The following PDE1A variants were observed in gnomAD, a reference collection of about 807,000 sequenced individuals.
The protein encoded by PDE1A is phosphodiesterase 1A.
PDE1A carries 35 observed loss-of-function variants against 61.7 expected under a neutral mutation model. That is an observed-to-expected ratio of 0.57 (90% CI 0.43 to 0.75). PDE1A has a LOEUF of 0.75. Ranked by LOEUF, PDE1A falls within the 30% of genes least tolerant of loss-of-function variation. The probability of loss-of-function intolerance (pLI) is 0.00; values close to 1 mark genes in which losing one functional copy is unlikely to be tolerated. For synonymous variants in PDE1A, 232 were observed against 213.2 expected, an observed-to-expected ratio of 1.09 and a Z score of -0.77; for missense variants, 597 against 630.6, an observed-to-expected ratio of 0.95 and a Z score of 0.57.
rs550640941 is a variant in PDE1A at position 182,298,241 on chromosome 2, T to C, written c.54-33827A>G. Among the ~76,000 whole-genome samples, 6 of 152,258 alleles carry C rather than the reference T, an allele frequency of 3.9e-5. No homozygotes were observed. In the East Asian group the frequency reaches 1.2e-3, roughly 29 times the overall value. On this transcript the variant is annotated intron_variant, in intron 1 of 13. Coordinates refer to ENST00000351439, the Ensembl canonical transcript of PDE1A. Reference sequence around the variant, plus strand: ...ATGGTAATTATAGGACCTATGAAATTGGGCGGCTGTTGATAAGTGCCATTG... The same window carrying C: ...ATGGTAATTATAGGACCTATGAAATCGGGCGGCTGTTGATAAGTGCCATTG...
Position 182,403,598 on chromosome 2 carries a change from CA to C in PDE1A, c.53+22979del, listed in dbSNP as rs548993514. On this transcript the variant is annotated intron_variant, in intron 1 of 13. Transcript: ENST00000351439. ...TGGGCGACAGAGCCAGACTCCGTCT[CA>C]AAAAAAAAAAAAAAAGAAAATGTGG... is the stretch of plus-strand genomic sequence containing the variant. Among the ~76,000 whole-genome samples, 401 of 77,614 alleles carry C rather than the reference CA, an allele frequency of 5.2e-3. 2 individuals carry two copies. Among genetic ancestry groups the C allele is most frequent in the African/African-American group, 0.012 (188 of 16,238 alleles). The allele number at this position is 77,614 out of a possible 152,430, so 50.9% of individuals were successfully genotyped here. A position where few individuals can be genotyped will look rare whatever the true frequency, so the allele number is the denominator to read the frequency against.
chr2:182,517,821 C>G (rs757728149), intron 2 of PDE1A, among the ~76,000 whole-genome samples: 20 of 152,152 alleles, frequency 1.3e-4, no homozygotes, highest in Non-Finnish European at 2.2e-4. Flanking sequence ...CTGCTGCCCA[C>G]TAAATGCAGA....
the PDE1A span, among the ~76,000 whole-genome samples, chr2:182,599,338 G>A: frequency 6.6e-6 from 1 of 152,094 alleles, no homozygotes; most frequent in East Asian, 1.9e-4. Flanking sequence ...TACCATGGTG[G>A]CCTTAGGGTA....
intron 5 of PDE1A, among the ~76,000 whole-genome samples, chr2:182,230,574 G>A (rs903646591): frequency 1.3e-5 from 2 of 152,124 alleles, no homozygotes. Flanking sequence ...AAAGTAATAA[G>A]CTACAATCTG....
intron 1 of PDE1A, among the ~76,000 whole-genome samples, chr2:182,397,665 T>C (rs976189122): frequency 1.3e-5 from 2 of 152,130 alleles, no homozygotes; most frequent in African/African-American, 4.8e-5. Context: ...TTTCAGTTTT[T>C]TTCCTATTAC....
chr2:182,283,896 C>A (rs1395329863), intron 1 of PDE1A, among the ~76,000 whole-genome samples: 1 of 152,060 alleles, frequency 6.6e-6, no homozygotes, highest in Non-Finnish European at 1.5e-5. Context: ...ATTTTAACAT[C>A]TTTTTTTACA....
At chr2:182,702,505 T>C in the PDE1A span, among the ~76,000 whole-genome samples, 1 of 152,178 alleles carries the variant, frequency 6.6e-6, no homozygotes, top group Non-Finnish European at 1.5e-5. Flanking sequence ...GGAGTGGGCA[T>C]TCTAGTGAGG....
At chr2:182,328,629 A>G (rs1697202912) in intron 1 of PDE1A, among the ~76,000 whole-genome samples, 2 of 152,134 alleles carry the variant, frequency 1.3e-5, no homozygotes, top group Non-Finnish European at 2.9e-5. Context: ...CTAGAACCTG[A>G]GATTGTGGAA....
At chr2:182,644,289 G>C in the PDE1A span, among the ~76,000 whole-genome samples, 1 of 150,350 alleles carries the variant, frequency 6.7e-6, no homozygotes, top group Non-Finnish European at 1.5e-5. Context: ...GTGTGTGTGT[G>C]TGTGTGTGTG....
At chr2:182,352,899 A>T (rs1451401540) in intron 1 of PDE1A, among the ~76,000 whole-genome samples, 26 of 152,244 alleles carry the variant, frequency 1.7e-4, no homozygotes, top group Non-Finnish European at 3.7e-4. Context: ...TCATTAAAAA[A>T]AATAAATCAA....
At chr2:182,560,238 A>G in the PDE1A span, among the ~76,000 whole-genome samples, 2 of 109,230 alleles carry the variant, frequency 1.8e-5, no homozygotes, top group Non-Finnish European at 3.5e-5. Flanking sequence ...AACAGTCACC[A>G]GAGTGTGATG....
At chr2:182,518,025 T>A (rs999959227) in intron 2 of PDE1A, among the ~76,000 whole-genome samples, 1 of 152,126 alleles carries the variant, frequency 6.6e-6, no homozygotes, top group Non-Finnish European at 1.5e-5. Context: ...ATAGGAGGCA[T>A]GTCACAGAAG....
At chr2:182,306,922 A>G (rs1401906496) in intron 1 of PDE1A, among the ~76,000 whole-genome samples, 1 of 152,178 alleles carries the variant, frequency 6.6e-6, no homozygotes, top group Non-Finnish European at 1.5e-5. Context: ...CCAAAAGCTC[A>G]TGCAACAAAA....
intron 2 of PDE1A, among the ~76,000 whole-genome samples, chr2:182,451,800 TC>T (rs1041380981): frequency 3.3e-5 from 5 of 152,014 alleles, no homozygotes; most frequent in African/African-American, 1.2e-4. Context: ...GCTGCCCCTC[TC>T]TCCTACTGCC....
At chr2:182,208,618 A>T (rs1687315665) in intron 7 of PDE1A, among the ~76,000 whole-genome samples, 1 of 152,202 alleles carries the variant, frequency 6.6e-6, no homozygotes, top group Non-Finnish European at 1.5e-5. Flanking sequence ...AGCCACAGGC[A>T]CTGGACGCCA....
At chr2:182,608,746 C>A in the PDE1A span, among the ~76,000 whole-genome samples, 1 of 152,254 alleles carries the variant, frequency 6.6e-6, no homozygotes, top group Admixed American at 6.5e-5. Flanking sequence ...TCCACGGCGC[C>A]CAGTCCCATC....
At position 182,320,458 on chromosome 2, in the gene PDE1A, T is replaced by C. The variant is rs56154549; in HGVS notation, c.54-56044A>G. On this transcript the variant is annotated intron_variant, in intron 1 of 13. Coordinates refer to ENST00000351439, the Ensembl canonical transcript of PDE1A. ...CACATAGGCTCAAGAAATAATATTT[T>C]CTAAATTTACAAAATTTAAAAACTG... Among the ~76,000 whole-genome samples the C allele has an allele frequency of 3.7e-3, 567 of 152,238 alleles. 3 individuals are homozygous for C. The highest frequency in any genetic ancestry group is 0.013 in the African/African-American group (530 of 41,530).
chr2:182,499,144 T>C (rs1178047074), intron 2 of PDE1A, among the ~76,000 whole-genome samples: 1 of 146,562 alleles, frequency 6.8e-6, no homozygotes, highest in African/African-American at 2.5e-5. Flanking sequence ...TGCACTACCA[T>C]GCCAGGCTAT....
chr2:182,552,873 T>A, the PDE1A span, among the ~76,000 whole-genome samples: 2 of 152,278 alleles, frequency 1.3e-5, no homozygotes, highest in East Asian at 3.9e-4. Context: ...TCCATGTTTG[T>A]TACGGCTCGA....
Sources: allele counts gnomAD v4.1 joint callset (sites outside exome capture counted in the v4.1 genomes callset), GRCh38; gene constraint gnomAD v4.1.1; transcripts MANE v1.5; gene names NCBI Gene and HGNC (gene_info 2026-07-23, HGNC 2026-07-21).